The following CRY2 variants were observed in gnomAD, a reference collection of about 807,000 sequenced individuals.
CRY2 encodes cryptochrome-2.
A neutral mutation model predicts 69.5 loss-of-function variants in CRY2; 31 were observed. The observed-to-expected ratio is 0.45, with a 90% CI of 0.34 to 0.60. The LOEUF (loss-of-function observed/expected upper bound fraction) is 0.60. Among genes scored for constraint, CRY2 ranks in the 20% least tolerant of loss-of-function variants. CRY2 has a pLI of 0.02. For missense variants in CRY2, 606 were observed against 797.8 expected (o/e 0.76, Z 2.90); for synonymous variants, 303 against 312.2 (o/e 0.97, Z 0.31).
chr11:45,873,781 G>T (rs538359869), intron 11 of CRY2, among the ~76,000 whole-genome samples: 1 of 152,352 alleles, frequency 6.6e-6, no homozygotes, highest in East Asian at 1.9e-4. Flanking sequence ...TTAGCAGAAG[G>T]CTGCTGGTGT....
At chr11:45,850,007 TG>T (rs1318417686) in intron 1 of CRY2, among the ~76,000 whole-genome samples, 6 of 72,206 alleles carry the variant, frequency 8.3e-5, no homozygotes, top group Admixed American at 2.9e-4. Flanking sequence ...TTTTGTTTTT[TG>T]TTTTTTTTTT....
Position 45,847,640 on chromosome 11 carries a change from G to T in CRY2, c.150G>T (p.Val50=). The T allele has an allele frequency of 6.2e-7, 1 of 1,600,280 alleles. No individual in the cohort carries two copies. The highest frequency in any genetic ancestry group is 8.5e-7 in the Non-Finnish European group (1 of 1,174,294). ...CGGCCGTGCGCGGGGCGCGCTGCGT[G>T]CGCTGCGTTTACATTCTCGACCCGT... ...LLAAVRGARC[V]RCVYILDPWF... The change falls in exon 1 of 12, where the codon GTG becomes GTT. Residue 50 remains valine, a synonymous_variant. Transcript: ENST00000616080.
chr11:45,870,632 T>C, intron 9 of CRY2, 100 bp downstream of exon 9: 2 of 1,426,448 alleles, frequency 1.4e-6, no homozygotes, highest in Non-Finnish European at 1.9e-6. Flanking sequence ...GGAGACTGAG[T>C]GCTGTCTTTC....
rs1357822291 is a variant in CRY2 at position 45,860,901 on chromosome 11, C to T, written c.521C>T (p.Ala174Val). The change falls in exon 4 of 12, where the codon GCC (alanine) becomes GTC (valine). Residue 174 changes from alanine to valine, a missense_variant. By Grantham distance (64) the Ala-to-Val change is moderately conservative. Transcript: ENST00000616080. ...KPPLTYKRFQ[A>V]IISRMELPKK... is the part of the protein sequence containing the mutation. ...CCCCTTACATACAAGCGCTTTCAGG[C>T]CATCATCAGCCGCATGGAGCTGCCC... 1 of 1,614,166 alleles carries T rather than the reference C, an allele frequency of 6.2e-7. No individual in the cohort carries two copies. The highest frequency in any genetic ancestry group is 1.7e-5 in the Admixed American group (1 of 60,016).
chr11:45,872,750 G>A (rs553994474), intron 11 of CRY2, among the ~76,000 whole-genome samples: 53 of 152,248 alleles, frequency 3.5e-4, no homozygotes, highest in Middle Eastern at 3.4e-3. Context: ...GAGGGGTGGC[G>A]CTTTCTACCT....
intron 11 of CRY2, among the ~76,000 whole-genome samples, chr11:45,875,038 C>T (rs2086415147): frequency 6.6e-6 from 1 of 152,196 alleles, no homozygotes; most frequent in Admixed American, 6.5e-5. Flanking sequence ...GGCTGCAGTT[C>T]TGTATTATAA....
At position 45,867,676 on chromosome 11, in the gene CRY2, G is replaced by T. The variant is rs1485622022; in HGVS notation, c.806G>T (p.Gly269Val). Residue 269 changes from glycine (G) to valine (V), a missense_variant, in exon 6 of 12, where the codon GGC becomes GTC. Transcript: ENST00000616080. ...AACTCCCTCCTGGCCAGCCCCACAG[G>T]CCTCAGCCCCTACCTGCGCTTTGGT... is the stretch of plus-strand genomic sequence containing the variant. ...NANSLLASPT[G>V]LSPYLRFGCL... is the part of the protein sequence containing the mutation. 1.9e-6 allele frequency: 3 copies of T among 1,614,208 alleles called. No individual in the cohort carries two copies. The South Asian group carries it at 3.3e-5, about 18-fold the overall frequency.
chr11:45,851,078 T>G (rs1005988366), intron 1 of CRY2, among the ~76,000 whole-genome samples: 44 of 151,572 alleles, frequency 2.9e-4, no homozygotes, highest in African/African-American at 1.0e-3. Context: ...TTTCACATTT[T>G]CCCCAGCCTC....
At chr11:45,863,636 T>A (rs982838245) in intron 5 of CRY2, among the ~76,000 whole-genome samples, 2 of 150,704 alleles carry the variant, frequency 1.3e-5, no homozygotes, top group Non-Finnish European at 3.0e-5. Flanking sequence ...GAAGAAGGTA[T>A]GTGCCTCTTT....
At chr11:45,861,932 T>C in intron 4 of CRY2, 128 bp from the exon 5 acceptor site, 1 of 773,156 alleles carries the variant, frequency 1.3e-6, no homozygotes. Flanking sequence ...CTTTAAGGAT[T>C]ATCTAACCCC....
In CRY2 at chr11:45,870,336, C is replaced by A; in HGVS notation, c.1353C>A (p.Tyr451Ter). ...CTGGTGTATCTTATTTCAGGCGATA[C>A]CTGCCCAAATTGAAAGCGTTCCCCT... The part of the protein sequence containing the change: ...TDPSGDYIRR[Y>*]LPKLKAFPSR... Residue 451 changes from tyrosine to a stop codon, truncating the protein, a stop_gained, in exon 9 of 12, where the codon TAC (tyrosine) becomes TAA (stop). Coordinates refer to ENST00000616080, the MANE Select transcript of CRY2 (RefSeq NM_021117.5). LOFTEE classifies it high-confidence loss of function. 1.2e-6 allele frequency: 2 copies of A among 1,614,162 alleles called. No individual in the cohort carries two copies. Among genetic ancestry groups the A allele is most frequent in the Non-Finnish European group, 1.7e-6 (2 of 1,180,034 alleles).
intron 5 of CRY2, among the ~76,000 whole-genome samples, chr11:45,864,631 G>A (rs1476711973): frequency 6.6e-6 from 1 of 151,844 alleles, no homozygotes. Context: ...ACTTTGGGAG[G>A]CCGAGGCAGG....
At position 45,869,573 on chromosome 11, in the gene CRY2, C is replaced by T. The variant is rs1415394101; in HGVS notation, c.950C>T (p.Thr317Met). 3.1e-6 allele frequency: 5 copies of T among 1,614,242 alleles called. No homozygotes were observed. The highest frequency in any genetic ancestry group is 1.3e-5 in the African/African-American group (1 of 75,054). ...GQLLWREFFY[T>M]AATNNPRFDR... ...CTCCTATGGCGAGAGTTCTTCTACA[C>T]GGCAGCTACCAACAACCCCAGGTTT... The change falls in exon 7 of 12, where the codon ACG becomes ATG. Residue 317 changes from threonine (T) to methionine (M), a missense_variant. Coordinates refer to ENST00000616080, the MANE Select transcript of CRY2 (RefSeq NM_021117.5).
chr11:45,854,289 C>G (rs1013342560), intron 1 of CRY2, among the ~76,000 whole-genome samples: 2 of 152,334 alleles, frequency 1.3e-5, no homozygotes, highest in East Asian at 3.9e-4. Context: ...AGTGGATTAC[C>G]TGTAGTCACA....
chr11:45,847,215 C>T (rs1165379490), upstream of CRY2: 2 of 1,549,928 alleles, frequency 1.3e-6, no homozygotes, highest in Middle Eastern at 3.3e-4. Flanking sequence ...ACAGCCCCAG[C>T]CTGCGGACAG....
chr11:45,852,519 A>G (rs1285987114), intron 1 of CRY2, among the ~76,000 whole-genome samples: 1 of 152,174 alleles, frequency 6.6e-6, no homozygotes, highest in Non-Finnish European at 1.5e-5. Flanking sequence ...CATTCTCTGC[A>G]TTCTCTGGCT....
intron 11 of CRY2, among the ~76,000 whole-genome samples, chr11:45,877,582 C>G (rs767541717): frequency 6.6e-6 from 1 of 152,238 alleles, no homozygotes; most frequent in Non-Finnish European, 1.5e-5. Context: ...GCTTTTTGTT[C>G]TAGCCGCCAC....
chr11:45,859,776 G>T (rs996975494), intron 3 of CRY2, among the ~76,000 whole-genome samples: 1 of 152,042 alleles, frequency 6.6e-6, no homozygotes, highest in South Asian at 2.1e-4. Flanking sequence ...CCCTCCTGCT[G>T]CTGCTGCTGC....
At chr11:45,861,909 G>C (rs1298088962) in intron 4 of CRY2, 151 bp from the exon 5 acceptor site, 21 of 673,372 alleles carry the variant, frequency 3.1e-5, no homozygotes, top group Non-Finnish European at 4.8e-5. Flanking sequence ...AGTTGACCTA[G>C]AAAACGCTAA....
Sources: allele counts gnomAD v4.1 joint callset (sites outside exome capture counted in the v4.1 genomes callset), GRCh38; gene constraint gnomAD v4.1.1; transcripts MANE v1.5; gene names NCBI Gene and HGNC (gene_info 2026-07-23, HGNC 2026-07-21).